CTNNBL1: variants seen among roughly 807,000 people sequenced by gnomAD.
CTNNBL1 encodes the protein catenin beta like 1, also known as beta-catenin-like protein 1.
Under a neutral mutation model 72.7 loss-of-function variants are expected in CTNNBL1, and 31 were observed. The observed-to-expected ratio is 0.43, with a 90% CI of 0.32 to 0.58. The LOEUF is 0.58. CTNNBL1 is among the 20% of genes least tolerant of loss of function. CTNNBL1 has a pLI of 0.08. For synonymous variants in CTNNBL1, 240 were observed against 267.3 expected (o/e 0.90, Z 1.00); for missense variants, 534 against 725.1 (o/e 0.74, Z 3.03).
Position 37,747,184 on chromosome 20 carries a change from C to G in CTNNBL1, c.466+577C>G, listed in dbSNP as rs1453000167. Among the ~76,000 whole-genome samples, 3 of 152,136 alleles carry G rather than the reference C, an allele frequency of 2.0e-5. No homozygotes were observed. In the East Asian group the frequency reaches 5.8e-4, roughly 29 times the overall value. Reference sequence around the variant, plus strand: ...CTTAAGGTCAGCAGTTTGAGACCACCCTGGCCAACATAGCGAAACCCTATC... The same window carrying G: ...CTTAAGGTCAGCAGTTTGAGACCACGCTGGCCAACATAGCGAAACCCTATC... On this transcript the variant is annotated intron_variant, in intron 4 of 15. Transcript: ENST00000361383.
chr20:37,720,389 G>A (rs2122576331), intron 1 of CTNNBL1, among the ~76,000 whole-genome samples: 1 of 152,168 alleles, frequency 6.6e-6, no homozygotes, highest in African/African-American at 2.4e-5. Flanking sequence ...GAACTCCTAG[G>A]CTATTGCAAT....
chr20:37,848,549 C>G (rs1166498406), intron 13 of CTNNBL1, among the ~76,000 whole-genome samples: 1 of 152,110 alleles, frequency 6.6e-6, no homozygotes, highest in East Asian at 1.9e-4. Context: ...TGACAGGGGG[C>G]CTGGGGGCAG....
At position 37,768,418 on chromosome 20, in the gene CTNNBL1, A is replaced by G. The variant is rs1026641584; in HGVS notation, c.750+374A>G. On this transcript the variant is annotated intron_variant, in intron 7 of 15. Transcript: ENST00000361383. Reference sequence around the variant, plus strand: ...AGAGAGTGTGTGTTTCACAAACAGAATTATGTAATATTTTCTTATGCAAGT... The same window carrying G: ...AGAGAGTGTGTGTTTCACAAACAGAGTTATGTAATATTTTCTTATGCAAGT... Among the ~76,000 whole-genome samples the G allele has an allele frequency of 1.8e-4, 28 of 152,190 alleles. 1 individual carries two copies. Among genetic ancestry groups the G allele is most frequent in the African/African-American group, 6.5e-4 (27 of 41,442 alleles).
At chr20:37,815,115 A>G (rs1022171968) in intron 11 of CTNNBL1, among the ~76,000 whole-genome samples, 2 of 135,558 alleles carry the variant, frequency 1.5e-5, no homozygotes, top group African/African-American at 5.9e-5. Context: ...GTAATTTTGT[A>G]TAAAGGGAAT....
At chr20:37,764,017 C>T (rs1177670959) in intron 5 of CTNNBL1, among the ~76,000 whole-genome samples, 1 of 152,144 alleles carries the variant, frequency 6.6e-6, no homozygotes, top group East Asian at 1.9e-4. Context: ...TTGGCTTTTT[C>T]TTAGCCAGTG....
At chr20:37,776,975 T>G (rs183746627) in intron 7 of CTNNBL1, among the ~76,000 whole-genome samples, 4 of 152,358 alleles carry the variant, frequency 2.6e-5, no homozygotes, top group Admixed American at 2.0e-4. Flanking sequence ...GATTGTAACT[T>G]GTGAATTAAG....
chr20:37,771,085 C>T (rs182036881), intron 7 of CTNNBL1, among the ~76,000 whole-genome samples: 2 of 152,118 alleles, frequency 1.3e-5, no homozygotes, highest in Non-Finnish European at 2.9e-5. Context: ...GGCCTGTTTT[C>T]TCCTTTGAAA....
chr20:37,751,212 A>G (rs2073316952), intron 4 of CTNNBL1: 1 of 152,056 alleles, frequency 6.6e-6, no homozygotes, highest in Admixed American at 6.5e-5. Context: ...TAATAATAAT[A>G]ATAATAATAA....
chr20:37,827,747 T>A (rs1326196528), intron 11 of CTNNBL1, among the ~76,000 whole-genome samples: 2 of 152,214 alleles, frequency 1.3e-5, no homozygotes, highest in Non-Finnish European at 2.9e-5. Context: ...CCAGTGTACA[T>A]CCCTGCAGCT....
chr20:37,769,303 A>AT (rs1395116264), intron 7 of CTNNBL1, among the ~76,000 whole-genome samples: 1 of 152,192 alleles, frequency 6.6e-6, no homozygotes, highest in Non-Finnish European at 1.5e-5. Context: ...GCACCTTAAC[A>AT]TTTTTTGTAG....
intron 13 of CTNNBL1, among the ~76,000 whole-genome samples, chr20:37,845,384 C>G (rs916798886): frequency 1.3e-5 from 2 of 152,226 alleles, no homozygotes; most frequent in African/African-American, 4.8e-5. Flanking sequence ...GCTGCAGCCA[C>G]TCTCCCAGCA....
intron 5 of CTNNBL1, among the ~76,000 whole-genome samples, chr20:37,758,210 G>A (rs6020712): frequency 0.12 from 17,596 of 152,208 alleles, 1,769 homozygotes; most frequent in African/African-American, 0.27. Context: ...GGAGAATGTC[G>A]AAAATAAGAA....
At chr20:37,817,055 A>T (rs1030089027) in intron 11 of CTNNBL1, among the ~76,000 whole-genome samples, 1 of 152,242 alleles carries the variant, frequency 6.6e-6, no homozygotes, top group Non-Finnish European at 1.5e-5. Flanking sequence ...CATCAACTCC[A>T]TGTGGGTTAT....
At chr20:37,856,976 T>C (rs2072448612) in intron 13 of CTNNBL1, among the ~76,000 whole-genome samples, 1 of 152,220 alleles carries the variant, frequency 6.6e-6, no homozygotes, top group Non-Finnish European at 1.5e-5. Context: ...CTCATTTCCA[T>C]ATCAAAGATG....
At chr20:37,831,367 CTTTTTTTTT>C (rs202003605) in intron 11 of CTNNBL1, among the ~76,000 whole-genome samples, 1 of 149,260 alleles carries the variant, frequency 6.7e-6, no homozygotes, top group Non-Finnish European at 1.5e-5. Flanking sequence ...TTTTTCTTTT[CTTTTTTTTT>C]TTTTTTTGAG....
At chr20:37,817,637 A>G (rs140497932) in intron 11 of CTNNBL1, among the ~76,000 whole-genome samples, 19 of 152,312 alleles carry the variant, frequency 1.2e-4, no homozygotes, top group Non-Finnish European at 2.1e-4. Flanking sequence ...TAACGTTTAT[A>G]TCACAGACGA....
chr20:37,774,134 G>A (rs1295146130), intron 7 of CTNNBL1, among the ~76,000 whole-genome samples: 1 of 151,832 alleles, frequency 6.6e-6, no homozygotes, highest in East Asian at 1.9e-4. Flanking sequence ...GGCTGGTCTT[G>A]AACTCCTGGG....
intron 1 of CTNNBL1, chr20:37,727,335 A>G (rs1406545234): frequency 6.1e-6 from 6 of 984,972 alleles, no homozygotes; most frequent in East Asian, 2.3e-4. Flanking sequence ...CACACAGGCA[A>G]TAGGCCTCAA....
intron 1 of CTNNBL1, among the ~76,000 whole-genome samples, chr20:37,728,414 T>A (rs895600251): frequency 6.6e-6 from 1 of 152,244 alleles, no homozygotes; most frequent in Non-Finnish European, 1.5e-5. Context: ...TATATTTCAA[T>A]TGAACACTGT....
Sources: gnomAD v4.1 joint callset for allele counts (sites outside exome capture counted in the v4.1 genomes callset) on GRCh38, gnomAD v4.1.1 for gene constraint, MANE v1.5 for transcripts, NCBI Gene and HGNC (gene_info 2026-07-23, HGNC 2026-07-21) for gene names.